SLC38A1: variants seen among roughly 807,000 people sequenced by gnomAD.
The protein encoded by SLC38A1 is solute carrier family 38 member 1, also known as sodium-coupled neutral amino acid symporter 1.
A neutral mutation model predicts 60.3 loss-of-function variants in SLC38A1; 18 were observed. The observed-to-expected ratio is 0.30, with a 90% CI of 0.21 to 0.44. The LOEUF is 0.44. Ranked by LOEUF, SLC38A1 falls within the 20% of genes least tolerant of loss-of-function variation. The pLI is 1.00. For synonymous variants in SLC38A1, 196 were observed against 212.1 expected, an observed-to-expected ratio of 0.92 and a Z score of 0.66; for missense variants, 448 against 587.2, an observed-to-expected ratio of 0.76 and a Z score of 2.45.
Position 46,192,995 on chromosome 12 carries a change from G to A in SLC38A1, c.1363-3924C>T, listed in dbSNP as rs140794537. On this transcript the variant is annotated intron_variant, in intron 16 of 16. Coordinates refer to ENST00000398637, the MANE Select transcript of SLC38A1 (RefSeq NM_030674.4). Reference sequence around the variant, plus strand: ...CTAGCTTTTGAATTTGTTTGCTTTCGCTTCTCTAGTTCTTTTAATTGTGAT... The same window carrying A: ...CTAGCTTTTGAATTTGTTTGCTTTCACTTCTCTAGTTCTTTTAATTGTGAT... Among the ~76,000 whole-genome samples, 185 of 152,006 alleles carry A rather than the reference G, an allele frequency of 1.2e-3. 2 individuals carry two copies. The East Asian group carries it at 0.017, about 14-fold the overall frequency.
intron 1 of SLC38A1, among the ~76,000 whole-genome samples, chr12:46,259,625 G>A (rs1167708786): frequency 1.3e-5 from 2 of 152,128 alleles, no homozygotes; most frequent in African/African-American, 2.4e-5. Context: ...TTGGAAGGTG[G>A]GGAATAATAA....
At chr12:46,239,623 G>T (rs1288141023) in intron 3 of SLC38A1, 56 bp downstream of exon 3, 12 of 1,601,804 alleles carry the variant, frequency 7.5e-6, no homozygotes, top group Non-Finnish European at 1.0e-5. Flanking sequence ...GATTACAGGT[G>T]TGAGCCACGA....
At chr12:46,196,409 T>C in intron 16 of SLC38A1, 5 of 1,220,580 alleles carry the variant, frequency 4.1e-6, no homozygotes, top group Non-Finnish European at 5.5e-6. Flanking sequence ...ACCCTACTAC[T>C]AGTTTCATTA....
intron 16 of SLC38A1, among the ~76,000 whole-genome samples, chr12:46,192,199 T>G (rs1163387269): frequency 6.6e-6 from 1 of 152,216 alleles, no homozygotes; most frequent in African/African-American, 2.4e-5. Flanking sequence ...ATCATGTGGT[T>G]TTTGTCATTG....
intron 1 of SLC38A1, among the ~76,000 whole-genome samples, chr12:46,254,198 T>A (rs532625367): frequency 6.6e-6 from 1 of 152,298 alleles, no homozygotes; most frequent in African/African-American, 2.4e-5. Flanking sequence ...GGAATATTGA[T>A]CCAGATTTTT....
chr12:46,207,070 A>G (rs1257602840), intron 8 of SLC38A1, 85 bp downstream of exon 8: 1 of 915,154 alleles, frequency 1.1e-6, no homozygotes, highest in Non-Finnish European at 1.6e-6. Context: ...ACTTTCTGCA[A>G]TATTCACAAG....
chr12:46,239,831 G>T lies in SLC38A1; in HGVS notation c.-31C>A, dbSNP rs559595289. On this transcript the variant is annotated 5_prime_UTR_variant, in exon 3 of 17. Transcript: ENST00000398637. ...GAAAGTGTCTGTAGTTTGAAAATTA[G>T]TCCAAATTTCTCCTGTTCTGAGTGT... The T allele has an allele frequency of 9.9e-6, 16 of 1,609,656 alleles. No homozygotes were observed. In the South Asian group the frequency reaches 1.8e-4, roughly 18 times the overall value.
intron 2 of SLC38A1, among the ~76,000 whole-genome samples, chr12:46,242,426 T>C (rs1001156172): frequency 2.0e-5 from 3 of 152,144 alleles, no homozygotes; most frequent in East Asian, 1.9e-4. Context: ...GGCAGCTTCA[T>C]AGAAAAGTCA....
chr12:46,229,794 C>T (rs1941001405), intron 3 of SLC38A1, among the ~76,000 whole-genome samples, 155 bp from the exon 4 acceptor site: 1 of 152,206 alleles, frequency 6.6e-6, no homozygotes, highest in South Asian at 2.1e-4. Context: ...ACTCCCCCCA[C>T]CTTTTTTTCT....
At chr12:46,240,124 C>T (rs1359502395) in intron 2 of SLC38A1, among the ~76,000 whole-genome samples, 1 of 152,076 alleles carries the variant, frequency 6.6e-6, no homozygotes, top group Non-Finnish European at 1.5e-5. Flanking sequence ...GCCCCATAAT[C>T]TTACTGATCA....
intron 3 of SLC38A1, among the ~76,000 whole-genome samples, chr12:46,231,665 C>CT (rs1286823493): frequency 6.6e-6 from 1 of 152,120 alleles, no homozygotes; most frequent in Admixed American, 6.5e-5. Context: ...TTTTAATAAA[C>CT]TTTTTTCTGA....
intron 1 of SLC38A1, among the ~76,000 whole-genome samples, chr12:46,252,277 C>G (rs1009900176): frequency 6.6e-6 from 1 of 152,012 alleles, no homozygotes; most frequent in Non-Finnish European, 1.5e-5. Flanking sequence ...TCATAGGTGG[C>G]ATTGAACAAT....
At chr12:46,219,178 GA>G (rs1940547495) in intron 5 of SLC38A1, among the ~76,000 whole-genome samples, 2 of 152,222 alleles carry the variant, frequency 1.3e-5, no homozygotes, top group African/African-American at 4.8e-5. Flanking sequence ...ACCATGAACT[GA>G]ATTCCTTCCC....
intron 1 of SLC38A1, among the ~76,000 whole-genome samples, chr12:46,256,611 G>GCACA (rs1181945728): frequency 2.1e-4 from 24 of 113,052 alleles, no homozygotes; most frequent in Middle Eastern, 4.3e-3. Context: ...GCGCGCGCGC[G>GCACA]CGCACACACA....
intron 5 of SLC38A1, among the ~76,000 whole-genome samples, chr12:46,218,578 C>T (rs1316338317): frequency 3.3e-5 from 5 of 152,038 alleles, no homozygotes; most frequent in Admixed American, 1.3e-4. Flanking sequence ...GCTTAGCCTC[C>T]GTTAATTTTA....
chr12:46,259,070 G>A (rs887161721), intron 1 of SLC38A1, among the ~76,000 whole-genome samples: 2 of 152,188 alleles, frequency 1.3e-5, no homozygotes, highest in Non-Finnish European at 2.9e-5. Flanking sequence ...AAGTGACCAC[G>A]TGAGATGATG....
intron 5 of SLC38A1, among the ~76,000 whole-genome samples, chr12:46,225,909 A>C (rs1258555554): frequency 6.6e-6 from 1 of 152,204 alleles, no homozygotes; most frequent in African/African-American, 2.4e-5. Context: ...GCACAGAATA[A>C]AAGGAAAGAA....
intron 1 of SLC38A1, among the ~76,000 whole-genome samples, chr12:46,264,619 T>A (rs933234954): frequency 5.9e-5 from 9 of 152,202 alleles, no homozygotes; most frequent in African/African-American, 2.2e-4. Context: ...TACTTAAAAT[T>A]TTTTTATTTC....
intron 2 of SLC38A1, 91 bp from the exon 3 acceptor site, chr12:46,239,984 C>T (rs1941391404): frequency 5.3e-6 from 3 of 571,112 alleles, no homozygotes; most frequent in African/African-American, 3.8e-5. Context: ...AGTTAATTTA[C>T]TGATTATACA....
Sources: gnomAD v4.1 joint callset for allele counts (sites outside exome capture counted in the v4.1 genomes callset) on GRCh38, gnomAD v4.1.1 for gene constraint, MANE v1.5 for transcripts, NCBI Gene and HGNC (gene_info 2026-07-23, HGNC 2026-07-21) for gene names.